Variants in SPHKAP observed in about 807,000 individuals in gnomAD.
SPHKAP encodes SPHK1 interactor, AKAP domain containing.
SPHKAP carries 67 observed loss-of-function variants against 137.5 expected under a neutral mutation model. That is an observed-to-expected ratio of 0.49 (90% CI 0.40 to 0.60). The LOEUF (loss-of-function observed/expected upper bound fraction) is 0.60, where lower values mean the gene tolerates loss of function less well. Among genes scored for constraint, SPHKAP ranks in the 20% least tolerant of loss-of-function variants. The probability of loss-of-function intolerance (pLI) is 0.00; values close to 1 mark genes in which losing one functional copy is unlikely to be tolerated. For synonymous variants in SPHKAP, 813 were observed against 785.3 expected (o/e 1.04, Z -0.59); for missense variants, 2,097 against 2,069.3 (o/e 1.01, Z -0.26).
At chr2:228,138,194 G>A (rs549530527) in intron 1 of SPHKAP, among the ~76,000 whole-genome samples, 2 of 152,194 alleles carry the variant, frequency 1.3e-5, no homozygotes, top group South Asian at 2.1e-4. Context: ...TAAGCACCCC[G>A]TTAGGACAGT....
At chr2:228,108,297 T>C (rs747994883) in intron 3 of SPHKAP, among the ~76,000 whole-genome samples, 45 of 152,206 alleles carry the variant, frequency 3.0e-4, no homozygotes, top group Non-Finnish European at 6.0e-4. Context: ...ATATTGTTTT[T>C]CTGGAAGAAT....
chr2:228,138,922 G>A (rs1699512494), intron 1 of SPHKAP, among the ~76,000 whole-genome samples: 1 of 44,704 alleles, frequency 2.2e-5, no homozygotes, highest in Non-Finnish European at 4.9e-5. Context: ...TGGGCTTTTT[G>A]TCTTCAGATT....
At chr2:228,036,085 G>A (rs1448982274) in intron 3 of SPHKAP, among the ~76,000 whole-genome samples, 1 of 150,250 alleles carries the variant, frequency 6.7e-6, no homozygotes, top group African/African-American at 2.5e-5. Context: ...TACCATCAGA[G>A]TGAACAGGCA....
intron 3 of SPHKAP, among the ~76,000 whole-genome samples, chr2:228,090,748 T>C (rs1464275790): frequency 4.6e-5 from 7 of 152,090 alleles, no homozygotes; most frequent in African/African-American, 1.7e-4. Flanking sequence ...CTTTTTTTTT[T>C]TCAAAGGATG....
At chr2:228,147,430 A>G (rs193139092) in intron 1 of SPHKAP, among the ~76,000 whole-genome samples, 16 of 152,370 alleles carry the variant, frequency 1.1e-4, no homozygotes, top group Admixed American at 1.0e-3. Context: ...CAGTAGAATT[A>G]ATGAGGCAAT....
chr2:228,124,659 C>G (rs1237550875), intron 2 of SPHKAP, among the ~76,000 whole-genome samples: 1 of 151,854 alleles, frequency 6.6e-6, no homozygotes, highest in Non-Finnish European at 1.5e-5. Context: ...GTGCAGCACA[C>G]CAACATGGCA....
chr2:228,026,157 C>T (rs1695028308), intron 4 of SPHKAP, among the ~76,000 whole-genome samples: 1 of 152,148 alleles, frequency 6.6e-6, no homozygotes, highest in South Asian at 2.1e-4. Context: ...GATTGTGAGG[C>T]CTCCCCAGCC....
chr2:228,110,437 G>A (rs1698483435), intron 2 of SPHKAP, among the ~76,000 whole-genome samples: 2 of 152,028 alleles, frequency 1.3e-5, no homozygotes, highest in African/African-American at 2.4e-5. Flanking sequence ...GAGACCCTTT[G>A]TGGATGAGCA....
intron 3 of SPHKAP, among the ~76,000 whole-genome samples, chr2:228,039,819 ATTG>A (rs1284966148): frequency 6.6e-6 from 1 of 152,226 alleles, no homozygotes; most frequent in East Asian, 1.9e-4. Context: ...GATGATGACA[ATTG>A]TTGGGATCAA....
At chr2:227,981,932 C>A in intron 11 of SPHKAP, 72 bp from the exon 12 acceptor site, 1 of 1,520,756 alleles carries the variant, frequency 6.6e-7, no homozygotes, top group Non-Finnish European at 8.8e-7. Flanking sequence ...CAACCACCCT[C>A]GCGAAGCCAA....
In SPHKAP at chr2:228,133,058, G is replaced by A. The variant is rs1699309355; in HGVS notation, c.33-973C>T. Reference sequence around the variant, plus strand: ...ATGGTGGCTCACGCCTGTAATACCAGCACTTTCGGAGGCCGAGGCCGGTGG... The same window carrying A: ...ATGGTGGCTCACGCCTGTAATACCAACACTTTCGGAGGCCGAGGCCGGTGG... On this transcript the variant is annotated intron_variant, in intron 1 of 11. Transcript: ENST00000392056. Among the ~76,000 whole-genome samples the A allele has an allele frequency of 2.0e-5, 3 of 151,746 alleles. No individual in the cohort carries two copies. The South Asian group carries it at 6.3e-4, about 32-fold the overall frequency.
At chr2:228,069,979 C>A (rs772425837) in intron 3 of SPHKAP, among the ~76,000 whole-genome samples, 2 of 152,192 alleles carry the variant, frequency 1.3e-5, no homozygotes, top group Admixed American at 6.5e-5. Context: ...CGTGATTGGG[C>A]AAGCTTAGGT....
intron 1 of SPHKAP, among the ~76,000 whole-genome samples, chr2:228,167,254 G>A (rs1700448068): frequency 6.6e-6 from 1 of 152,124 alleles, no homozygotes; most frequent in South Asian, 2.1e-4. Flanking sequence ...TGATGAAACT[G>A]CAGCTAATTT....
At chr2:228,113,160 G>A (rs970340823) in intron 2 of SPHKAP, among the ~76,000 whole-genome samples, 2 of 151,104 alleles carry the variant, frequency 1.3e-5, no homozygotes, top group Non-Finnish European at 2.9e-5. Context: ...TAGTTAATCT[G>A]ATTATATCAG....
intron 3 of SPHKAP, among the ~76,000 whole-genome samples, chr2:228,080,087 C>A (rs1019901306): frequency 1.1e-4 from 16 of 150,982 alleles, no homozygotes; most frequent in Non-Finnish European, 1.9e-4. Flanking sequence ...TTTATATGAA[C>A]CCAAGAGCAT....
intron 6 of SPHKAP, 63 bp from the exon 7 acceptor site, chr2:228,020,219 G>T: frequency 6.6e-6 from 10 of 1,514,008 alleles, no homozygotes; most frequent in Non-Finnish European, 7.0e-6. Context: ...TAAGTCTTAA[G>T]TAATAATTAC....
At position 228,152,522 on chromosome 2, in the gene SPHKAP, A is replaced by AT. The variant is rs569853506; in HGVS notation, c.33-20438dup. ...TTTTAAATATATCTTATTTTGTTTAATTTTTTTAAAAATCCGGTTGATAAT... is the reference window on the plus strand; with the variant it reads ...TTTTAAATATATCTTATTTTGTTTAATTTTTTTTAAAAATCCGGTTGATAAT... On this transcript the variant is annotated intron_variant, in intron 1 of 11. Coordinates refer to ENST00000392056, the MANE Select transcript of SPHKAP (RefSeq NM_001142644.2). Among the ~76,000 whole-genome samples the AT allele has an allele frequency of 3.5e-3, 524 of 151,846 alleles. 4 individuals are homozygous for AT. The highest frequency in any genetic ancestry group is 0.012 in the African/African-American group (481 of 41,450).
chr2:227,995,530 T>G lies in SPHKAP; in HGVS notation c.4613A>C (p.Gln1538Pro), dbSNP rs1693605295. 2 of 1,614,116 alleles carry G rather than the reference T, an allele frequency of 1.2e-6. No homozygotes were observed. The highest frequency in any genetic ancestry group is 1.7e-6 in the Non-Finnish European group (2 of 1,180,002). ...GTACCTCATGGATCGCTCACTGAGCTGGAGAAAGCTACTTGTGTCATCTGG... is the reference window on the plus strand; with the variant it reads ...GTACCTCATGGATCGCTCACTGAGCGGGAGAAAGCTACTTGTGTCATCTGG... ...DNPDDTSSFL[Q>P]LSERSMSNGN... The change falls in exon 8 of 12, where the codon CAG (glutamine) becomes CCG (proline). Residue 1538 changes from glutamine (Q) to proline (P), a missense_variant. Gln to Pro is a moderately conservative substitution (Grantham distance 76, BLOSUM62 -1). Coordinates refer to ENST00000392056, the MANE Select transcript of SPHKAP (RefSeq NM_001142644.2).
rs867443313 is a variant in SPHKAP at position 228,016,644 on chromosome 2, C to T, written c.4210G>A (p.Glu1404Lys). Residue 1404 changes from glutamate (E) to lysine (K), a missense_variant, in exon 7 of 12, where the codon GAA (glutamate) becomes AAA (lysine). Coordinates refer to ENST00000392056, the MANE Select transcript of SPHKAP (RefSeq NM_001142644.2). ...TNHSPLDSKK[E>K]TSSCQDPVPI... Reference sequence around the variant, plus strand: ...ACAGGGTCCTGGCACGAGGAAGTTTCTTTTTTAGAATCTAAAGGGCTGTGG... The same window carrying T: ...ACAGGGTCCTGGCACGAGGAAGTTTTTTTTTTAGAATCTAAAGGGCTGTGG... 6.2e-7 allele frequency: 1 copy of T among 1,613,572 alleles called. No homozygotes were observed. The highest frequency in any genetic ancestry group is 8.5e-7 in the Non-Finnish European group (1 of 1,179,896).
Sources: gnomAD v4.1 joint callset for allele counts (sites outside exome capture counted in the v4.1 genomes callset) on GRCh38, gnomAD v4.1.1 for gene constraint, MANE v1.5 for transcripts, NCBI Gene and HGNC (gene_info 2026-07-23, HGNC 2026-07-21) for gene names.